Variants in QSER1 observed in about 807,000 individuals in gnomAD.
QSER1 encodes the protein glutamine and serine-rich protein 1.
In QSER1, 49 loss-of-function variants were observed where a neutral mutation model predicts 158.5. The ratio of observed to expected loss-of-function variants is 0.31; its 90% CI spans 0.25 to 0.39. The LOEUF is 0.39. QSER1 is among the 10% of genes least tolerant of loss of function. The pLI is 1.00. For synonymous variants in QSER1, 650 were observed against 715.5 expected, an observed-to-expected ratio of 0.91 and a Z score of 1.46; for missense variants, 1,754 against 2,010.3, an observed-to-expected ratio of 0.87 and a Z score of 2.44.
intron 1 of QSER1, among the ~76,000 whole-genome samples, chr11:32,911,265 A>G (rs1436262004): frequency 1.3e-5 from 2 of 152,238 alleles, no homozygotes; most frequent in African/African-American, 2.4e-5. Flanking sequence ...GAGGGGAACA[A>G]CACACACCAG....
At chr11:32,950,846 C>T (rs529039317) in intron 4 of QSER1, among the ~76,000 whole-genome samples, 130 of 152,346 alleles carry the variant, frequency 8.5e-4, no homozygotes, top group African/African-American at 3.1e-3. Context: ...TAGCATGTAT[C>T]AGTATCTGAT....
intron 11 of QSER1, among the ~76,000 whole-genome samples, chr11:32,974,876 C>A (rs1424880161): frequency 6.6e-6 from 1 of 152,152 alleles, no homozygotes; most frequent in Non-Finnish European, 1.5e-5. Context: ...GTGTTATTAA[C>A]ATACATGTTA....
Position 32,934,261 on chromosome 11 carries a change from A to G in QSER1, c.3003A>G (p.Ser1001=). ...TTACACCTACTGATTTTTCCAAGTC[A>G]ACTTCAAATGAAACCATGCAGGCTG... ...CGVTPTDFSK[S]TSNETMQAVE... Residue 1001 remains serine (S), a synonymous_variant, in exon 4 of 13, where the codon TCA becomes TCG. Transcript: ENST00000650167. 6.2e-7 allele frequency: 1 copy of G among 1,614,042 alleles called. No individual in the cohort carries two copies. Among genetic ancestry groups the G allele is most frequent in the Non-Finnish European group, 8.5e-7 (1 of 1,179,984 alleles).
chr11:32,958,515 A>G (rs542774668), intron 8 of QSER1, among the ~76,000 whole-genome samples: 4 of 152,172 alleles, frequency 2.6e-5, no homozygotes, highest in Middle Eastern at 3.4e-3. Flanking sequence ...CCTCCAAAGT[A>G]GCTGGGACTA....
At chr11:32,930,615 C>G (rs1852032534) in intron 3 of QSER1, among the ~76,000 whole-genome samples, 1 of 152,090 alleles carries the variant, frequency 6.6e-6, no homozygotes, top group Non-Finnish European at 1.5e-5. Flanking sequence ...GGATATCCTT[C>G]TATGTCAAAA....
chr11:32,968,150 A>G (rs910132670), intron 9 of QSER1, among the ~76,000 whole-genome samples: 24 of 152,216 alleles, frequency 1.6e-4, no homozygotes, highest in Non-Finnish European at 2.6e-4. Flanking sequence ...TTTAAATCAC[A>G]AATGTTTAAA....
At chr11:32,896,815 T>G (rs1590703207) in intron 1 of QSER1, among the ~76,000 whole-genome samples, 1 of 152,220 alleles carries the variant, frequency 6.6e-6, no homozygotes, top group East Asian at 1.9e-4. Flanking sequence ...AAAGTAATGA[T>G]TAGCTCTTCT....
chr11:32,935,514 C>T lies in QSER1; in HGVS notation c.4177+79C>T. 3.7e-6 allele frequency: 4 copies of T among 1,068,402 alleles called. No individual in the cohort carries two copies. In the South Asian group the frequency reaches 7.0e-5, roughly 19 times the overall value. 66.2% of individuals were successfully genotyped at this position (1,068,402 alleles called of 1,614,324 possible). On this transcript the variant is annotated intron_variant, in intron 4 of 12. Transcript: ENST00000650167. ...TATAGCCCACATTTTAAGCTTTTTT[C>T]ACTTAAAGCAGGTCTGCAAGTACAT...
chr11:32,892,969 C>T lies in QSER1; in HGVS notation c.-157C>T, dbSNP rs1246766101. Among the ~76,000 whole-genome samples, 1 of 147,546 alleles carries T rather than the reference C, an allele frequency of 6.8e-6. No individual in the cohort carries two copies. The highest frequency in any genetic ancestry group is 2.5e-5 in the African/African-American group (1 of 40,650). Reference sequence around the variant, plus strand: ...TGCGGCCCAGACTCGCCAGCGCGCCCTTCTCCCGCCTGCTCGCCGGGGCCA... The same window carrying T: ...TGCGGCCCAGACTCGCCAGCGCGCCTTTCTCCCGCCTGCTCGCCGGGGCCA... On this transcript the variant is annotated 5_prime_UTR_variant, in exon 1 of 13. Coordinates refer to ENST00000650167, the MANE Select transcript of QSER1 (RefSeq NM_001076786.3).
rs1402860187 is a variant in QSER1 at position 32,978,749 on chromosome 11, GT to G, written c.*2276del. 2 of 152,162 alleles carry G rather than the reference GT, an allele frequency of 1.3e-5. No individual in the cohort carries two copies. Among genetic ancestry groups the G allele is most frequent in the Non-Finnish European group, 2.9e-5 (2 of 68,026 alleles). The allele number at this position is 152,162 out of a possible 1,614,324, so 9.4% of individuals were successfully genotyped here. A position where few individuals can be genotyped will look rare whatever the true frequency, so the allele number is the denominator to read the frequency against. On this transcript the variant is annotated 3_prime_UTR_variant, in exon 13 of 13. Transcript: ENST00000650167. ...TACTGCCTCAAAGAGACCCTATTGT[GT>G]AGATGCATCATCTTCTCTCATTTGA... is the stretch of plus-strand genomic sequence containing the variant.
intron 1 of QSER1, among the ~76,000 whole-genome samples, chr11:32,900,618 C>G (rs888606313): frequency 6.6e-6 from 1 of 152,146 alleles, no homozygotes; most frequent in African/African-American, 2.4e-5. Flanking sequence ...ATCTAAGCCT[C>G]AGCTAATTTC....
intron 8 of QSER1, among the ~76,000 whole-genome samples, chr11:32,961,253 T>C (rs141240426): frequency 4.6e-5 from 7 of 152,278 alleles, no homozygotes; most frequent in Admixed American, 4.6e-4. Context: ...AGGATTTCAA[T>C]TGCCTTCTCA....
At chr11:32,957,173 G>C (rs1423963432) in intron 7 of QSER1, among the ~76,000 whole-genome samples, 1 of 108,630 alleles carries the variant, frequency 9.2e-6, no homozygotes, top group African/African-American at 3.6e-5. Context: ...ATAGAGTCTT[G>C]CTCTGTCGCC....
At chr11:32,930,775 C>T (rs1373019740) in intron 3 of QSER1, among the ~76,000 whole-genome samples, 1 of 152,076 alleles carries the variant, frequency 6.6e-6, no homozygotes, top group Non-Finnish European at 1.5e-5. Flanking sequence ...TTTTTGTATG[C>T]ACTCATTTCT....
Position 32,934,140 on chromosome 11 carries a change from C to T in QSER1, c.2882C>T (p.Ser961Leu), listed in dbSNP as rs750245972. ...DSKNQFVSLG[S>L]MCFPEAVLLS... ...AAGAATCAGTTTGTTTCTCTTGGATCGATGTGTTTCCCAGAGGCAGTGCTT... is the reference window on the plus strand; with the variant it reads ...AAGAATCAGTTTGTTTCTCTTGGATTGATGTGTTTCCCAGAGGCAGTGCTT... The change falls in exon 4 of 13, where the codon TCG becomes TTG. Residue 961 changes from serine to leucine, a missense_variant. This residue lies in a region of QSER1 where 1,707 missense variants were observed against 1,919.6 expected (regional missense o/e 0.89). Coordinates refer to ENST00000650167, the MANE Select transcript of QSER1 (RefSeq NM_001076786.3). 9 of 1,613,918 alleles carry T rather than the reference C, an allele frequency of 5.6e-6. No individual in the cohort carries two copies. The highest frequency in any genetic ancestry group is 2.2e-5 in the East Asian group (1 of 44,876).
intron 1 of QSER1, among the ~76,000 whole-genome samples, chr11:32,897,412 A>T (rs944933054): frequency 6.6e-6 from 1 of 152,202 alleles, no homozygotes. Flanking sequence ...TGGAAACCTA[A>T]GCATCATTAA....
chr11:32,975,129 C>T (rs181465725), intron 11 of QSER1, 119 bp from the exon 12 acceptor site: 12,521 of 552,694 alleles, frequency 0.023, 228 homozygotes, highest in South Asian at 0.035. Flanking sequence ...AACTGAATAC[C>T]TACCCATATA....
chr11:32,908,365 G>T (rs1013823950), intron 1 of QSER1, among the ~76,000 whole-genome samples: 2 of 152,110 alleles, frequency 1.3e-5, no homozygotes, highest in African/African-American at 4.8e-5. Context: ...ATTCTTAGCT[G>T]CCTTGACTTT....
Position 32,905,034 on chromosome 11 carries a change from A to G in QSER1, c.209+11700A>G, listed in dbSNP as rs190441865. On this transcript the variant is annotated intron_variant, in intron 1 of 12. Coordinates refer to ENST00000650167, the MANE Select transcript of QSER1 (RefSeq NM_001076786.3). ...GAATATGTTTAATGGGGGATATTCT[A>G]CTTTTACTTGTCTAATATTTCAGAG... is the stretch of plus-strand genomic sequence containing the variant. Among the ~76,000 whole-genome samples, 673 of 152,292 alleles carry G rather than the reference A, an allele frequency of 4.4e-3. 3 individuals carry two copies. Among genetic ancestry groups the G allele is most frequent in the Non-Finnish European group, 6.9e-3 (472 of 68,022 alleles).
Sources: allele counts gnomAD v4.1 joint callset (sites outside exome capture counted in the v4.1 genomes callset), GRCh38; gene constraint gnomAD v4.1.1; regional missense constraint gnomAD v4.1.1; transcripts MANE v1.5; gene names NCBI Gene and HGNC (gene_info 2026-07-23, HGNC 2026-07-21).